The following SNX13 variants were observed in gnomAD, a reference collection of about 807,000 sequenced individuals.
The protein encoded by SNX13 is sorting nexin 13.
In SNX13, 45 loss-of-function variants were observed where a neutral mutation model predicts 133.6. The observed-to-expected ratio is 0.34, with a 90% CI of 0.27 to 0.43. The LOEUF is 0.43. Among genes scored for constraint, SNX13 ranks in the 20% least tolerant of loss-of-function variants. The probability of loss-of-function intolerance (pLI) is 1.00; values close to 1 mark genes in which losing one functional copy is unlikely to be tolerated. For synonymous variants in SNX13, 414 were observed against 373.9 expected (o/e 1.11, Z -1.24); for missense variants, 1,032 against 1,145.1 (o/e 0.90, Z 1.43).
chr7:17,816,547 G>C (rs765226340), intron 18 of SNX13, among the ~76,000 whole-genome samples: 22 of 152,104 alleles, frequency 1.4e-4, no homozygotes, highest in Non-Finnish European at 4.4e-5. Flanking sequence ...TGTAATCCCA[G>C]CTACTTGGGA....
chr7:17,823,554 T>TATCTTTCATTCCCTTTCC (rs1787543340), intron 17 of SNX13, among the ~76,000 whole-genome samples: 1 of 152,222 alleles, frequency 6.6e-6, no homozygotes, highest in Non-Finnish European at 1.5e-5. Context: ...TTTCCAAAAT[T>TATCTTTCATTCCCTTTCC]ATCTTTCATT....
At chr7:17,859,800 G>A (rs1792409442) in intron 9 of SNX13, among the ~76,000 whole-genome samples, 1 of 152,124 alleles carries the variant, frequency 6.6e-6, no homozygotes, top group African/African-American at 2.4e-5. Context: ...GTATTCTCAA[G>A]GTTCATCATG....
chr7:17,841,996 T>C (rs575600842), intron 12 of SNX13, among the ~76,000 whole-genome samples: 1 of 152,102 alleles, frequency 6.6e-6, no homozygotes, highest in East Asian at 1.9e-4. Context: ...AAACAGAGCC[T>C]AAGGGACCTG....
intron 2 of SNX13, 143 bp from the exon 3 acceptor site, chr7:17,893,577 A>G: frequency 1.7e-6 from 1 of 599,366 alleles, no homozygotes; most frequent in Non-Finnish European, 2.9e-6. Context: ...AAAGCAAGAA[A>G]TTGACAGATT....
chr7:17,825,969 G>A (rs1787865247), intron 17 of SNX13, 53 bp downstream of exon 17: 6 of 1,229,902 alleles, frequency 4.9e-6, no homozygotes, highest in East Asian at 2.6e-5. Context: ...AATTATTTAG[G>A]GATATAATAA....
intron 1 of SNX13, among the ~76,000 whole-genome samples, chr7:17,908,317 C>G (rs1798605697): frequency 6.6e-6 from 1 of 152,168 alleles, no homozygotes; most frequent in African/African-American, 2.4e-5. Flanking sequence ...ATCATTACTG[C>G]TTCTCCCTGT....
chr7:17,825,051 G>A (rs1352298540), intron 17 of SNX13, among the ~76,000 whole-genome samples: 1 of 152,148 alleles, frequency 6.6e-6, no homozygotes, highest in Non-Finnish European at 1.5e-5. Context: ...TTACAGGCGT[G>A]AGCCACCAAG....
intron 1 of SNX13, among the ~76,000 whole-genome samples, chr7:17,905,078 C>G (rs1360043047): frequency 6.6e-6 from 1 of 152,182 alleles, no homozygotes; most frequent in Non-Finnish European, 1.5e-5. Flanking sequence ...TGTTCCTCCT[C>G]AGTCTCACCT....
At chr7:17,860,275 G>A (rs989027572) in intron 9 of SNX13, among the ~76,000 whole-genome samples, 2 of 151,694 alleles carry the variant, frequency 1.3e-5, no homozygotes, top group Admixed American at 6.6e-5. Flanking sequence ...TATTACTGTT[G>A]GCCATCTGTA....
intron 1 of SNX13, among the ~76,000 whole-genome samples, chr7:17,936,927 T>C (rs1802109763): frequency 6.7e-6 from 1 of 149,308 alleles, no homozygotes; most frequent in South Asian, 2.1e-4. Context: ...TTTTGCCAAG[T>C]ATAGCAGGAG....
At position 17,923,975 on chromosome 7, in the gene SNX13, A is replaced by G. The variant is rs534442998; in HGVS notation, c.12+16309T>C. On this transcript the variant is annotated intron_variant, in intron 1 of 25. Coordinates refer to ENST00000428135, the MANE Select transcript of SNX13 (RefSeq NM_015132.5). The stretch of plus-strand genomic sequence containing the variant: ...CAAAAATACATTTATTCAAAACTCA[A>G]TTTGGGGAAAACTATAATGGTTTAA... Among the ~76,000 whole-genome samples, 196 of 152,314 alleles carry G rather than the reference A, an allele frequency of 1.3e-3. 1 individual carries two copies. The Middle Eastern group carries it at 0.014, about 11-fold the overall frequency.
chr7:17,803,231 G>C (rs1230846467), intron 21 of SNX13, among the ~76,000 whole-genome samples, 188 bp downstream of exon 21: 1 of 152,082 alleles, frequency 6.6e-6, no homozygotes, highest in East Asian at 1.9e-4. Context: ...CAAGCAAGTG[G>C]ATTTTACTAT....
At position 17,816,175 on chromosome 7, in the gene SNX13, A is replaced by G; in HGVS notation, c.1953+7T>C. Reference sequence around the variant, plus strand: ...AAATCTGTGGATTATAGTAAACATGAGCTTACCTGCAAATATGCATTTAGA... The same window carrying G: ...AAATCTGTGGATTATAGTAAACATGGGCTTACCTGCAAATATGCATTTAGA... On this transcript the variant is annotated splice_region_variant and intron_variant, in intron 19 of 25. Transcript: ENST00000428135. 1 of 1,528,910 alleles carries G rather than the reference A, an allele frequency of 6.5e-7. No individual in the cohort carries two copies. The allele number at this position is 1,528,910 out of a possible 1,614,324, so 94.7% of individuals were successfully genotyped here.
rs201630195 is a variant in SNX13 at position 17,821,646 on chromosome 7, C to T, written c.1708G>A (p.Val570Ile). ...TATGTCTTGCCATGATCATTACAAACGCCTGCCACAGCATATGGGTCATAG... is the reference window on the plus strand; with the variant it reads ...TATGTCTTGCCATGATCATTACAAATGCCTGCCACAGCATATGGGTCATAG... The part of the protein sequence containing the change: ...QLHAYISDTG[V>I]CNDHGKTYAL... Residue 570 changes from valine to isoleucine, a missense_variant and splice_region_variant, in exon 18 of 26, where the codon GTT becomes ATT. Val to Ile is a conservative substitution (Grantham distance 29). Transcript: ENST00000428135. 7.9e-5 allele frequency: 128 copies of T among 1,613,060 alleles called. 1 individual carries two copies. In the South Asian group the frequency reaches 1.0e-3, roughly 13 times the overall value.
Position 17,850,968 on chromosome 7 carries a change from A to T in SNX13, c.838-4T>A. On this transcript the variant is annotated splice_polypyrimidine_tract_variant and splice_region_variant and intron_variant, in intron 9 of 25. Coordinates refer to ENST00000428135, the MANE Select transcript of SNX13 (RefSeq NM_015132.5). Reference sequence around the variant, plus strand: ...AGTTGCAGTTAGAATCACGGATCTGAAAACAAGTTTAAGAAAAACAGGTGG... The same window carrying T: ...AGTTGCAGTTAGAATCACGGATCTGTAAACAAGTTTAAGAAAAACAGGTGG... 1 of 1,597,662 alleles carries T rather than the reference A, an allele frequency of 6.3e-7. No individual in the cohort carries two copies. Among genetic ancestry groups the T allele is most frequent in the Non-Finnish European group, 8.5e-7 (1 of 1,173,730 alleles).
chr7:17,860,941 C>T (rs1020296838), intron 9 of SNX13, among the ~76,000 whole-genome samples: 1 of 152,134 alleles, frequency 6.6e-6, no homozygotes, highest in Non-Finnish European at 1.5e-5. Context: ...TGCACTGAAT[C>T]GGTAAATTGC....
intron 1 of SNX13, among the ~76,000 whole-genome samples, chr7:17,928,024 T>A (rs1274794276): frequency 2.6e-5 from 4 of 152,210 alleles, no homozygotes; most frequent in African/African-American, 9.6e-5. Flanking sequence ...ATAAAAGTCC[T>A]AATATTTACA....
intron 1 of SNX13, among the ~76,000 whole-genome samples, chr7:17,904,764 A>C (rs1446386370): frequency 6.6e-6 from 1 of 152,204 alleles, no homozygotes; most frequent in Non-Finnish European, 1.5e-5. Context: ...CAATAAAAAT[A>C]AGTAGCCATA....
intron 1 of SNX13, among the ~76,000 whole-genome samples, chr7:17,924,514 T>C (rs544281489): frequency 6.6e-6 from 1 of 152,304 alleles, no homozygotes; most frequent in South Asian, 2.1e-4. Flanking sequence ...ACACTCCTGG[T>C]AGAAATGTAA....
Sources: gnomAD v4.1 joint callset for allele counts (sites outside exome capture counted in the v4.1 genomes callset) on GRCh38, gnomAD v4.1.1 for gene constraint, MANE v1.5 for transcripts, NCBI Gene and HGNC (gene_info 2026-07-23, HGNC 2026-07-21) for gene names.